Variants in PTPN9 observed in about 807,000 individuals in gnomAD.
PTPN9 encodes the protein protein tyrosine phosphatase non-receptor type 9.
A neutral mutation model predicts 69.8 loss-of-function variants in PTPN9; 26 were observed. The observed-to-expected ratio is 0.37, with a 90% CI of 0.27 to 0.52. The LOEUF (loss-of-function observed/expected upper bound fraction) is 0.52, where lower values mean the gene tolerates loss of function less well. Among genes scored for constraint, PTPN9 ranks in the 20% least tolerant of loss-of-function variants. The pLI is 0.91. For missense variants in PTPN9, 549 were observed against 740.3 expected (o/e 0.74, Z 3.00); for synonymous variants, 274 against 272.5 (o/e 1.01, Z -0.05).
intron 3 of PTPN9, among the ~76,000 whole-genome samples, chr15:75,523,819 ACT>A (rs980796470): frequency 1.3e-5 from 2 of 152,154 alleles, no homozygotes; most frequent in African/African-American, 4.8e-5. Flanking sequence ...ATCATTAGTA[ACT>A]CTAATTACTA....
intron 1 of PTPN9, among the ~76,000 whole-genome samples, chr15:75,537,448 A>G (rs1299376182): frequency 8.0e-6 from 1 of 125,072 alleles, no homozygotes; most frequent in Non-Finnish European, 1.7e-5. Flanking sequence ...TTCCCTAAAA[A>G]AAAAAAAAAA....
intron 8 of PTPN9, among the ~76,000 whole-genome samples, chr15:75,482,564 CAAAAAAAAAAAAAA>C (rs145653223): frequency 2.8e-5 from 1 of 35,388 alleles, no homozygotes; most frequent in Non-Finnish European, 5.1e-5. Flanking sequence ...GACTCCGTCT[CAAAAAAAAAAAAAA>C]AAAAAAAAAA....
intron 11 of PTPN9, among the ~76,000 whole-genome samples, 172 bp downstream of exon 11, chr15:75,470,508 G>A (rs1034718330): frequency 2.6e-5 from 4 of 152,174 alleles, no homozygotes; most frequent in South Asian, 4.1e-4. Flanking sequence ...CTATCGTGCT[G>A]CAGTAATATG....
intron 1 of PTPN9, among the ~76,000 whole-genome samples, chr15:75,562,972 G>A (rs2075111268): frequency 6.6e-6 from 1 of 151,912 alleles, no homozygotes; most frequent in African/African-American, 2.4e-5. Context: ...TACATGTGCA[G>A]GTTTATTACA....
intron 1 of PTPN9, among the ~76,000 whole-genome samples, chr15:75,566,658 G>A (rs562704492): frequency 1.3e-5 from 2 of 151,206 alleles, no homozygotes; most frequent in South Asian, 2.1e-4. Context: ...CAGCCTGGGC[G>A]ACAGAGTCTC....
chr15:75,569,488 T>A, intron 1 of PTPN9, among the ~76,000 whole-genome samples: 1 of 151,914 alleles, frequency 6.6e-6, no homozygotes, highest in Admixed American at 6.6e-5. Flanking sequence ...GCTGATCACC[T>A]GAGGTCAGGA....
intron 1 of PTPN9, among the ~76,000 whole-genome samples, chr15:75,560,199 T>C (rs1470243037): frequency 6.6e-6 from 1 of 152,040 alleles, no homozygotes; most frequent in Middle Eastern, 3.2e-3. Flanking sequence ...GTTTTACCCA[T>C]AAACAAAATG....
intron 1 of PTPN9, among the ~76,000 whole-genome samples, chr15:75,539,377 A>T (rs1043213124): frequency 6.7e-6 from 1 of 150,242 alleles, no homozygotes; most frequent in Non-Finnish European, 1.5e-5. Flanking sequence ...GCAATCGCAC[A>T]ATCTTGGCTC....
At chr15:75,505,055 G>A (rs1238602297) in intron 7 of PTPN9, among the ~76,000 whole-genome samples, 1 of 152,222 alleles carries the variant, frequency 6.6e-6, no homozygotes, top group Non-Finnish European at 1.5e-5. Flanking sequence ...GAAATCGGAT[G>A]GTTGCCGTGT....
At chr15:75,495,857 G>T (rs1285651500) in intron 7 of PTPN9, among the ~76,000 whole-genome samples, 1 of 152,136 alleles carries the variant, frequency 6.6e-6, no homozygotes, top group East Asian at 1.9e-4. Flanking sequence ...AGATCATTAG[G>T]CCAGGTGTAG....
At chr15:75,576,933 T>C (rs1313998638) in intron 1 of PTPN9, among the ~76,000 whole-genome samples, 1 of 152,230 alleles carries the variant, frequency 6.6e-6, no homozygotes, top group Non-Finnish European at 1.5e-5. Context: ...ATACTGCTTT[T>C]GTTTCAATAT....
chr15:75,506,006 G>A lies in PTPN9; in HGVS notation c.640-3C>T. 7 of 1,602,290 alleles carry A rather than the reference G, an allele frequency of 4.4e-6. No individual in the cohort carries two copies. Among genetic ancestry groups the A allele is most frequent in the Non-Finnish European group, 5.1e-6 (6 of 1,170,548 alleles). ...TCAGATGTCTTTAATATTTGAATCT[G>A]GAAGGTTAGAAAGAACCATGTGAGT... On this transcript the variant is annotated splice_polypyrimidine_tract_variant and splice_region_variant and intron_variant, in intron 6 of 12. Transcript: ENST00000618819.
chr15:75,542,687 G>A (rs1024348683), intron 1 of PTPN9, among the ~76,000 whole-genome samples: 14 of 152,154 alleles, frequency 9.2e-5, no homozygotes, highest in Non-Finnish European at 1.9e-4. Flanking sequence ...GACAGCCCCA[G>A]ATCAGGAATA....
intron 9 of PTPN9, among the ~76,000 whole-genome samples, chr15:75,475,073 A>G (rs2074588201): frequency 6.6e-6 from 1 of 152,184 alleles, no homozygotes; most frequent in Non-Finnish European, 1.5e-5. Context: ...GGATCTATAC[A>G]GGTTGACCAT....
rs924882852 is a variant in PTPN9, at chr15:75,579,016, T to C, written c.-240A>G. The C allele has an allele frequency of 4.7e-5, 12 of 253,160 alleles. No homozygotes were observed. 15.7% of individuals were successfully genotyped at this position (253,160 alleles called of 1,614,324 possible). On this transcript the variant is annotated 5_prime_UTR_variant, in exon 1 of 13. Coordinates refer to ENST00000618819, the MANE Select transcript of PTPN9 (RefSeq NM_002833.4). ...ATCCTTTTTTATATTATTCGCTCCG[T>C]TCCTCACACTCCCCCTTATCTCCTG...
rs535263337 is a variant in PTPN9, at chr15:75,464,417, T to A, written c.*4352A>T. 6.6e-6 allele frequency: 1 copy of A among 151,788 alleles called. No homozygotes were observed. Among genetic ancestry groups the A allele is most frequent in the South Asian group, 2.1e-4 (1 of 4,804 alleles). The allele number at this position is 151,788 out of a possible 1,614,324, so 9.4% of individuals were successfully genotyped here. A position where few individuals can be genotyped will look rare whatever the true frequency, so the allele number is the denominator to read the frequency against. On this transcript the variant is annotated 3_prime_UTR_variant, in exon 13 of 13. Transcript: ENST00000618819. Reference sequence around the variant, plus strand: ...ACTCTGTCTCTGAAAGTAAAAAAAATGAAAAGTGGGGAGTGCTAGTGGGAG... The same window carrying A: ...ACTCTGTCTCTGAAAGTAAAAAAAAAGAAAAGTGGGGAGTGCTAGTGGGAG...
At chr15:75,529,203 T>C (rs1288426380) in intron 1 of PTPN9, among the ~76,000 whole-genome samples, 1 of 151,832 alleles carries the variant, frequency 6.6e-6, no homozygotes, top group African/African-American at 2.4e-5. Context: ...GCCAGGCTGG[T>C]CTCCAACTCC....
chr15:75,524,257 A>G lies in PTPN9; in HGVS notation c.249T>C (p.His83=), dbSNP rs746179039. The G allele has an allele frequency of 6.2e-7, 1 of 1,612,966 alleles. No individual in the cohort carries two copies. Among genetic ancestry groups the G allele is most frequent in the East Asian group, 2.2e-5 (1 of 44,830 alleles). The stretch of plus-strand genomic sequence containing the variant: ...GGATCTCAGAACGAAGAGGTTCCTC[A>G]TGAGGTTTCAGCTTTACAATGCCTT... ...RKEGIVKLKP[H]EEPLRSEILS... is the part of the protein sequence containing the mutation. Residue 83 remains histidine (H), a synonymous_variant, in exon 3 of 13, where the codon CAT becomes CAC. Coordinates refer to ENST00000618819, the MANE Select transcript of PTPN9 (RefSeq NM_002833.4).
At chr15:75,524,389 G>A in intron 2 of PTPN9, 91 bp from the exon 3 acceptor site, 3 of 654,842 alleles carry the variant, frequency 4.6e-6, no homozygotes, top group South Asian at 2.1e-5. Flanking sequence ...GAGATAAGGT[G>A]GTTATCAATG....
Sources: allele counts gnomAD v4.1 joint callset (sites outside exome capture counted in the v4.1 genomes callset), GRCh38; gene constraint gnomAD v4.1.1; transcripts MANE v1.5; gene names NCBI Gene and HGNC (gene_info 2026-07-23, HGNC 2026-07-21).